The following DPP8 variants were observed in gnomAD, a reference collection of about 807,000 sequenced individuals.
DPP8 encodes the protein dipeptidyl peptidase 8.
Under a neutral mutation model 107.5 loss-of-function variants are expected in DPP8, and 31 were observed. The observed-to-expected ratio is 0.29, with a 90% CI of 0.22 to 0.39. The LOEUF is 0.39. Ranked by LOEUF, DPP8 falls within the 10% of genes least tolerant of loss-of-function variation. DPP8 has a pLI of 1.00. For synonymous variants in DPP8, 381 were observed against 356.6 expected, an observed-to-expected ratio of 1.07 and a Z score of -0.77; for missense variants, 842 against 1,076.1, an observed-to-expected ratio of 0.78 and a Z score of 3.04.
At chr15:65,502,744 T>C (rs1324444645) in intron 3 of DPP8, 1 of 152,040 alleles carries the variant, frequency 6.6e-6, no homozygotes, top group East Asian at 1.9e-4. Flanking sequence ...AAAAATAGGC[T>C]GACCCAATAG....
intron 15 of DPP8, among the ~76,000 whole-genome samples, chr15:65,456,681 C>T (rs1469026073): frequency 6.6e-6 from 1 of 152,144 alleles, no homozygotes; most frequent in Non-Finnish European, 1.5e-5. Flanking sequence ...CCCTGAAGAA[C>T]TGTGCTATTC....
intron 2 of DPP8, among the ~76,000 whole-genome samples, chr15:65,508,261 C>T (rs1305137997): frequency 6.6e-6 from 1 of 151,834 alleles, no homozygotes; most frequent in African/African-American, 2.4e-5. Context: ...AGTTCTGTAA[C>T]TATAATCATT....
chr15:65,515,377 T>C (rs2071325196), intron 1 of DPP8, among the ~76,000 whole-genome samples: 1 of 152,208 alleles, frequency 6.6e-6, no homozygotes, highest in South Asian at 2.1e-4. Context: ...GTACAAACAT[T>C]GTACAGTCCA....
At chr15:65,513,226 T>G (rs2071025881) in intron 1 of DPP8, among the ~76,000 whole-genome samples, 1 of 152,092 alleles carries the variant, frequency 6.6e-6, no homozygotes, top group African/African-American at 2.4e-5. Flanking sequence ...ACATTTTTTT[T>G]TTTTTGAGAC....
intron 14 of DPP8, among the ~76,000 whole-genome samples, chr15:65,464,668 C>T (rs1190465048): frequency 1.3e-5 from 2 of 152,096 alleles, no homozygotes; most frequent in Admixed American, 6.5e-5. Flanking sequence ...CCAGCCTGAG[C>T]GACAGAACAA....
intron 5 of DPP8, among the ~76,000 whole-genome samples, chr15:65,495,869 A>T (rs1012039469): frequency 6.6e-6 from 1 of 152,138 alleles, no homozygotes; most frequent in African/African-American, 2.4e-5. Context: ...GTGACACAGT[A>T]AGACTCTGTC....
At chr15:65,497,081 G>A (rs568840910) in intron 5 of DPP8, among the ~76,000 whole-genome samples, 2 of 152,076 alleles carry the variant, frequency 1.3e-5, no homozygotes, top group African/African-American at 4.8e-5. Flanking sequence ...GTAGAGACAG[G>A]GTTTCATCAC....
intron 8 of DPP8, among the ~76,000 whole-genome samples, chr15:65,484,506 C>G (rs545645998): frequency 1.4e-4 from 22 of 151,936 alleles, no homozygotes; most frequent in African/African-American, 5.1e-4. Context: ...ATAAATAAAT[C>G]GTATTACATG....
chr15:65,457,338 A>T (rs2064517213), intron 15 of DPP8, among the ~76,000 whole-genome samples: 1 of 152,096 alleles, frequency 6.6e-6, no homozygotes, highest in Non-Finnish European at 1.5e-5. Flanking sequence ...CCTGGGCAAC[A>T]CAGTGAGACT....
At chr15:65,447,365 A>G (rs2063554022) in intron 19 of DPP8, among the ~76,000 whole-genome samples, 1 of 152,228 alleles carries the variant, frequency 6.6e-6, no homozygotes, top group Admixed American at 6.5e-5. Context: ...CAGTGATGAT[A>G]CAAAAGCAAA....
intron 2 of DPP8, among the ~76,000 whole-genome samples, chr15:65,508,671 G>GGA (rs1289353589): frequency 6.6e-6 from 1 of 152,068 alleles, no homozygotes; most frequent in Non-Finnish European, 1.5e-5. Flanking sequence ...TGACCAACAT[G>GGA]GAGAAACCCT....
At chr15:65,487,482 C>T (rs1344454509) in intron 7 of DPP8, among the ~76,000 whole-genome samples, 2 of 152,148 alleles carry the variant, frequency 1.3e-5, no homozygotes, top group Non-Finnish European at 1.5e-5. Flanking sequence ...CTTGAGGAAA[C>T]CAATTGTGTA....
Position 65,481,604 on chromosome 15 carries a change from G to A in DPP8, c.1029C>T (p.Val343=), listed in dbSNP as rs763020007. The change falls in exon 9 of 20, where the codon GTC becomes GTT. Residue 343 remains valine (V), a synonymous_variant. Transcript: ENST00000300141. The stretch of plus-strand genomic sequence containing the variant: ...AAGGTTGAATTAGTTCCTTATCTAT[G>A]ACATCTATGATCTATTAAAAAAGAA... ...MIDAEGRIID[V]IDKELIQPFE... 8 of 1,504,958 alleles carry A rather than the reference G, an allele frequency of 5.3e-6. No homozygotes were observed. In the South Asian group the frequency reaches 8.6e-5, roughly 16 times the overall value. The allele number at this position is 1,504,958 out of a possible 1,614,324, so 93.2% of individuals were successfully genotyped here.
Position 65,480,313 on chromosome 15 carries a change from T to G in DPP8, c.1205A>C (p.Asp402Ala). ...SPELFIPVED[D>A]VMERQRLIES... ...AATGAGTCTCTGCCTTTCCATAACA[T>G]CATCTTCTACTGGGATAAATAATTC... The change falls in exon 10 of 20, where the codon GAT becomes GCT. Residue 402 changes from aspartate to alanine, a missense_variant. Physicochemically the swap from Asp to Ala is moderately radical, Grantham distance 126 (BLOSUM62 -2). This residue lies in a region of DPP8 where 663 missense variants were observed against 758.0 expected (regional missense o/e 0.87). Coordinates refer to ENST00000300141, the MANE Select transcript of DPP8 (RefSeq NM_130434.5). 3 of 1,613,780 alleles carry G rather than the reference T, an allele frequency of 1.9e-6. No homozygotes were observed. Among genetic ancestry groups the G allele is most frequent in the Non-Finnish European group, 2.5e-6 (3 of 1,179,888 alleles).
intron 4 of DPP8, among the ~76,000 whole-genome samples, chr15:65,498,715 A>C (rs2068854259): frequency 6.6e-6 from 1 of 152,086 alleles, no homozygotes; most frequent in Admixed American, 6.6e-5. Flanking sequence ...TTTGCTCATA[A>C]AAATGTAATA....
At chr15:65,469,461 C>T (rs2065655419) in intron 12 of DPP8, among the ~76,000 whole-genome samples, 1 of 151,088 alleles carries the variant, frequency 6.6e-6, no homozygotes, top group Non-Finnish European at 1.5e-5. Flanking sequence ...TGAGACCAGC[C>T]TGGTCTCACG....
intron 3 of DPP8, among the ~76,000 whole-genome samples, chr15:65,503,363 C>T (rs1404927788): frequency 6.6e-6 from 1 of 152,158 alleles, no homozygotes; most frequent in East Asian, 1.9e-4. Context: ...GCCTCAGCCT[C>T]CCAAAGTGCT....
rs116642941 is a variant in DPP8 at position 65,445,073 on chromosome 15, C to A, written c.*1811G>T. 6.6e-6 allele frequency: 1 copy of A among 152,074 alleles called. No homozygotes were observed. The highest frequency in any genetic ancestry group is 1.5e-5 in the Non-Finnish European group (1 of 68,010). The allele number at this position is 152,074 out of a possible 1,614,324, so 9.4% of individuals were successfully genotyped here. The stretch of plus-strand genomic sequence containing the variant: ...TACATATACAGATAATAAGAAAAAG[C>A]GTGGTATCTATTATACAGTATAAAT... On this transcript the variant is annotated 3_prime_UTR_variant, in exon 20 of 20. Transcript: ENST00000300141.
intron 1 of DPP8, chr15:65,515,815 A>C: frequency 1.1e-6 from 1 of 906,114 alleles, no homozygotes; most frequent in Non-Finnish European, 1.7e-6. Flanking sequence ...TAATGAAATA[A>C]GATAAGACTT....
Sources: allele counts gnomAD v4.1 joint callset (sites outside exome capture counted in the v4.1 genomes callset), GRCh38; gene constraint gnomAD v4.1.1; regional missense constraint gnomAD v4.1.1; transcripts MANE v1.5; gene names NCBI Gene and HGNC (gene_info 2026-07-23, HGNC 2026-07-21).